The following CERT1 variants were observed in gnomAD, a reference collection of about 807,000 sequenced individuals.
CERT1 encodes ceramide transfer protein.
Under a neutral mutation model 87.9 loss-of-function variants are expected in CERT1, and 31 were observed. That is an observed-to-expected ratio of 0.35 (90% CI 0.27 to 0.48). CERT1 has a LOEUF of 0.48. Ranked by LOEUF, CERT1 falls within the 20% of genes least tolerant of loss-of-function variation. The pLI is 0.99. For synonymous variants in CERT1, 289 were observed against 250.9 expected (o/e 1.15, Z -1.44); for missense variants, 487 against 758.0 (o/e 0.64, Z 4.20).
intron 8 of CERT1, among the ~76,000 whole-genome samples, chr5:75,406,848 T>TTATG (rs1762726026): frequency 6.6e-6 from 1 of 152,134 alleles, no homozygotes; most frequent in African/African-American, 2.4e-5. Flanking sequence ...CCCAGCCACA[T>TTATG]TATGGTAAGT....
At chr5:75,393,862 G>A (rs1425553906) in intron 11 of CERT1, among the ~76,000 whole-genome samples, 2 of 151,652 alleles carry the variant, frequency 1.3e-5, no homozygotes, top group Non-Finnish European at 2.9e-5. Context: ...ATACTCAGGA[G>A]TCTGAGGCAG....
chr5:75,409,700 C>T (rs768193937), intron 8 of CERT1, among the ~76,000 whole-genome samples: 3 of 151,808 alleles, frequency 2.0e-5, no homozygotes, highest in African/African-American at 2.4e-5. Context: ...CTAATTTTTG[C>T]ATTTTTTTAG....
intron 2 of CERT1, among the ~76,000 whole-genome samples, chr5:75,485,312 CAAA>C (rs757349878): frequency 1.4e-3 from 64 of 46,444 alleles, no homozygotes; most frequent in African/African-American, 4.9e-3. Context: ...CACAAAAATA[CAAA>C]AAAAAAAAAA....
chr5:75,446,434 T>G (rs1029362903), intron 3 of CERT1, among the ~76,000 whole-genome samples: 1 of 152,208 alleles, frequency 6.6e-6, no homozygotes, highest in African/African-American at 2.4e-5. Flanking sequence ...CTTTAGTTAT[T>G]TGAGTATCAT....
chr5:75,501,870 T>G (rs1252698697), intron 2 of CERT1, among the ~76,000 whole-genome samples: 5 of 152,190 alleles, frequency 3.3e-5, no homozygotes, highest in Non-Finnish European at 7.4e-5. Flanking sequence ...GTGTAAATTT[T>G]AGATGAAAAT....
chr5:75,456,144 G>T (rs981730612), intron 3 of CERT1, among the ~76,000 whole-genome samples: 52 of 151,850 alleles, frequency 3.4e-4, no homozygotes, highest in Admixed American at 3.3e-3. Flanking sequence ...ACTAGCCCTG[G>T]TCTATGGGAG....
rs1206880203 is a variant in CERT1 at position 75,378,004 on chromosome 5, C to T, written c.*1342G>A. ...ATGTTATCCAGGCTAGACTTGAACT[C>T]CTGGCCTCAAGCCATTCTCCCACCT... On this transcript the variant is annotated 3_prime_UTR_variant, in exon 17 of 17. Transcript: ENST00000643780. 1 of 152,278 alleles carries T rather than the reference C, an allele frequency of 6.6e-6. No individual in the cohort carries two copies. The highest frequency in any genetic ancestry group is 1.5e-5 in the Non-Finnish European group (1 of 68,114). 9.4% of individuals were successfully genotyped at this position (152,278 alleles called of 1,614,324 possible).
At chr5:75,494,369 T>A (rs1766959100) in intron 2 of CERT1, among the ~76,000 whole-genome samples, 1 of 152,180 alleles carries the variant, frequency 6.6e-6, no homozygotes, top group Non-Finnish European at 1.5e-5. Context: ...TGGCCAGAGT[T>A]TGGAAGTTGG....
At chr5:75,465,901 C>T (rs955266765) in intron 2 of CERT1, among the ~76,000 whole-genome samples, 1 of 152,166 alleles carries the variant, frequency 6.6e-6, no homozygotes, top group Non-Finnish European at 1.5e-5. Context: ...AGGCCTAATT[C>T]ATATGCCCAT....
chr5:75,455,071 C>G (rs753978937), intron 3 of CERT1, among the ~76,000 whole-genome samples: 3 of 152,146 alleles, frequency 2.0e-5, no homozygotes, highest in Non-Finnish European at 4.4e-5. Flanking sequence ...TTTCTGAATC[C>G]CGGTGAAACC....
intron 2 of CERT1, among the ~76,000 whole-genome samples, chr5:75,474,601 T>C (rs1048845665): frequency 2.0e-5 from 3 of 152,074 alleles, no homozygotes; most frequent in African/African-American, 4.8e-5. Flanking sequence ...CAGTGGATGA[T>C]AGTCTCATGT....
intron 8 of CERT1, among the ~76,000 whole-genome samples, chr5:75,403,528 A>G (rs1003875338): frequency 3.3e-5 from 5 of 152,258 alleles, no homozygotes; most frequent in African/African-American, 7.2e-5. Context: ...GGGCTTCTTT[A>G]GTAGCAGAGT....
At chr5:75,495,028 G>A (rs1244012673) in intron 2 of CERT1, among the ~76,000 whole-genome samples, 1 of 152,098 alleles carries the variant, frequency 6.6e-6, no homozygotes, top group Non-Finnish European at 1.5e-5. Context: ...TCCCACCCTT[G>A]AGACATTATC....
intron 12 of CERT1, among the ~76,000 whole-genome samples, chr5:75,386,954 G>A (rs1431102470): frequency 1.3e-5 from 2 of 152,024 alleles, no homozygotes; most frequent in Non-Finnish European, 2.9e-5. Flanking sequence ...TGCAACCTCC[G>A]CCTCCCAGGT....
intron 5 of CERT1, among the ~76,000 whole-genome samples, chr5:75,424,296 A>G (rs1014010146): frequency 9.9e-5 from 15 of 152,204 alleles, no homozygotes; most frequent in African/African-American, 3.1e-4. Flanking sequence ...TGAGAGAGAG[A>G]GGGGGCCGAG....
At chr5:75,501,431 A>G (rs544644804) in intron 2 of CERT1, among the ~76,000 whole-genome samples, 11 of 152,240 alleles carry the variant, frequency 7.2e-5, no homozygotes, top group African/African-American at 2.7e-4. Context: ...TCAACAAGAT[A>G]TGAGGTATAC....
chr5:75,375,116 A>C (rs1761242454), downstream of CERT1: 2 of 162,276 alleles, frequency 1.2e-5, no homozygotes, highest in Admixed American at 1.3e-4. Context: ...AATCAGTGAA[A>C]GGTCTCTGGA....
chr5:75,419,352 T>C lies in CERT1; in HGVS notation c.668A>G (p.Asn223Ser). The C allele has an allele frequency of 1.9e-6, 3 of 1,609,190 alleles. No individual in the cohort carries two copies. The highest frequency in any genetic ancestry group is 2.7e-5 in the African/African-American group (2 of 74,956). The part of the protein sequence containing the change: ...DGDFLHSTNG[N>S]KEKLFPHVTP... Reference sequence around the variant, plus strand: ...AATGTATTACTTACACTTTTCTTTATTGCCGTTGGTACTATGCAAGAAGTC... The same window carrying C: ...AATGTATTACTTACACTTTTCTTTACTGCCGTTGGTACTATGCAAGAAGTC... The change falls in exon 6 of 17, where the codon AAT (asparagine) becomes AGT (serine). Residue 223 changes from asparagine to serine, a missense_variant. Physicochemically the swap from Asn to Ser is conservative, Grantham distance 46. Transcript: ENST00000643780.
At chr5:75,419,088 CCAAGA>C (rs1467849184) in intron 6 of CERT1, among the ~76,000 whole-genome samples, 41 of 152,272 alleles carry the variant, frequency 2.7e-4, no homozygotes, top group African/African-American at 9.1e-4. Flanking sequence ...CACGAAGGTG[CCAAGA>C]CAAGGGAAAA....
Sources: gnomAD v4.1 joint callset for allele counts (sites outside exome capture counted in the v4.1 genomes callset) on GRCh38, gnomAD v4.1.1 for gene constraint, MANE v1.5 for transcripts, NCBI Gene and HGNC (gene_info 2026-07-23, HGNC 2026-07-21) for gene names.